USP8: variants seen among roughly 807,000 people sequenced by gnomAD.
USP8 encodes ubiquitin specific peptidase 8.
USP8 carries 27 observed loss-of-function variants against 130.0 expected under a neutral mutation model. That is an observed-to-expected ratio of 0.21 (90% CI 0.15 to 0.29). USP8 has a LOEUF of 0.29. Ranked by LOEUF, USP8 falls within the 10% of genes least tolerant of loss-of-function variation. The probability of loss-of-function intolerance (pLI) is 1.00; values close to 1 mark genes in which losing one functional copy is unlikely to be tolerated. For missense variants in USP8, 1,029 were observed against 1,312.2 expected (o/e 0.78, Z 3.33); for synonymous variants, 392 against 444.1 (o/e 0.88, Z 1.48).
chr15:50,497,576 G>T, intron 18 of USP8: 1 of 164,868 alleles, frequency 6.1e-6, no homozygotes, highest in Non-Finnish European at 1.3e-5. Flanking sequence ...AACAGACTTA[G>T]TTATGTGTTA....
Position 50,459,140 on chromosome 15 carries a change from A to G in USP8, c.476A>G (p.Asp159Gly). The G allele has an allele frequency of 6.2e-7, 1 of 1,608,916 alleles. No individual in the cohort carries two copies. The highest frequency in any genetic ancestry group is 1.7e-4 in the Middle Eastern group (1 of 6,034). The part of the protein sequence containing the change: ...LAKGSLENVL[D>G]SKDKTQKSNG... ...AAAGGCTCTTTGGAGAATGTTTTGGATTCCAAAGACAAAACCCAAAAGGTA... is the reference window on the plus strand; with the variant it reads ...AAAGGCTCTTTGGAGAATGTTTTGGGTTCCAAAGACAAAACCCAAAAGGTA... The change falls in exon 5 of 20, where the codon GAT becomes GGT. Residue 159 changes from aspartate to glycine, a missense_variant. By Grantham distance (94) the Asp-to-Gly change is moderately conservative. Coordinates refer to ENST00000307179, the MANE Select transcript of USP8 (RefSeq NM_005154.5).
chr15:50,441,217 C>A, intron 2 of USP8, 132 bp from the exon 3 acceptor site: 1 of 806,378 alleles, frequency 1.2e-6, no homozygotes, highest in Non-Finnish European at 1.8e-6. Context: ...CATAACAGGC[C>A]GTGAACCAGT....
At position 50,499,990 on chromosome 15, in the gene USP8, A is replaced by ACAT. The variant is rs2052551991; in HGVS notation, c.*904_*906dup. 6.6e-6 allele frequency: 1 copy of ACAT among 152,188 alleles called. No individual in the cohort carries two copies. The highest frequency in any genetic ancestry group is 1.5e-5 in the Non-Finnish European group (1 of 68,028). 9.4% of individuals were successfully genotyped at this position (152,188 alleles called of 1,614,324 possible). The stretch of plus-strand genomic sequence containing the variant: ...TGCAAAGTGAACTGCATTATAAACT[A>ACAT]CATCTTTACAGAGTGATGTATTAAG... On this transcript the variant is annotated 3_prime_UTR_variant, in exon 20 of 20. Coordinates refer to ENST00000307179, the MANE Select transcript of USP8 (RefSeq NM_005154.5).
rs1450154447 is a variant in USP8, at chr15:50,507,295, A to C, written c.*8207A>C. On this transcript the variant is annotated 3_prime_UTR_variant, in exon 20 of 20. Coordinates refer to ENST00000307179, the MANE Select transcript of USP8 (RefSeq NM_005154.5). ...GAGACTCTGTCTCTAAAACAAAACAACAACAACAACAAATCCAGTTCTATG... is the reference window on the plus strand; with the variant it reads ...GAGACTCTGTCTCTAAAACAAAACACCAACAACAACAAATCCAGTTCTATG... The C allele has an allele frequency of 6.6e-6, 1 of 152,320 alleles. No individual in the cohort carries two copies. Among genetic ancestry groups the C allele is most frequent in the Non-Finnish European group, 1.5e-5 (1 of 68,182 alleles). The allele number at this position is 152,320 out of a possible 1,614,324, so 9.4% of individuals were successfully genotyped here. A position where few individuals can be genotyped will look rare whatever the true frequency, so the allele number is the denominator to read the frequency against.
chr15:50,500,038 T>A lies in USP8; in HGVS notation c.*950T>A, dbSNP rs140912327. Reference sequence around the variant, plus strand: ...AAGAGGGTTAAAGGAGCTTATAATTTATTTAACCGAGGGACTCAGTTGCTA... The same window carrying A: ...AAGAGGGTTAAAGGAGCTTATAATTAATTTAACCGAGGGACTCAGTTGCTA... On this transcript the variant is annotated 3_prime_UTR_variant, in exon 20 of 20. Transcript: ENST00000307179. 5.8e-3 allele frequency: 885 copies of A among 152,250 alleles called. 8 individuals carry two copies. The highest frequency in any genetic ancestry group is 0.021 in the African/African-American group (853 of 41,516). The allele number at this position is 152,250 out of a possible 1,614,324, so 9.4% of individuals were successfully genotyped here.
intron 8 of USP8, among the ~76,000 whole-genome samples, chr15:50,473,486 A>C (rs2051450809): frequency 6.6e-6 from 1 of 152,016 alleles, no homozygotes; most frequent in East Asian, 1.9e-4. Flanking sequence ...TTTTAAATTT[A>C]TTTGTTTTAA....
chr15:50,438,254 TG>T (rs1567600500), intron 1 of USP8, among the ~76,000 whole-genome samples: 1 of 152,184 alleles, frequency 6.6e-6, no homozygotes, highest in African/African-American at 2.4e-5. Flanking sequence ...ATTTGTTTAA[TG>T]ATAGTGAACT....
Position 50,479,849 on chromosome 15 carries a change from C to G in USP8, c.1219-1632C>G, listed in dbSNP as rs1191894996. Among the ~76,000 whole-genome samples, 3 of 152,008 alleles carry G rather than the reference C, an allele frequency of 2.0e-5. No individual in the cohort carries two copies. The South Asian group carries it at 6.2e-4, about 31-fold the overall frequency. On this transcript the variant is annotated intron_variant, in intron 10 of 19. Coordinates refer to ENST00000307179, the MANE Select transcript of USP8 (RefSeq NM_005154.5). ...TCACAGCTCACTGCAGCCTCGACTT[C>G]CTGGGTTCAAGCAATCCTCCCACCT... is the stretch of plus-strand genomic sequence containing the variant.
At chr15:50,446,928 G>A (rs2050463167) in intron 3 of USP8, among the ~76,000 whole-genome samples, 1 of 152,142 alleles carries the variant, frequency 6.6e-6, no homozygotes. Flanking sequence ...ACCTGGCCTG[G>A]CCATCAACAG....
chr15:50,514,256 C>T lies in USP8; in HGVS notation c.*15168C>T, dbSNP rs1169649379. 3 of 152,132 alleles carry T rather than the reference C, an allele frequency of 2.0e-5. No homozygotes were observed. The highest frequency in any genetic ancestry group is 4.8e-5 in the African/African-American group (2 of 41,424). The allele number at this position is 152,132 out of a possible 1,614,324, so 9.4% of individuals were successfully genotyped here. On this transcript the variant is annotated 3_prime_UTR_variant, in exon 20 of 20. Transcript: ENST00000307179. ...CCAGAAGTCAGTGGTTTTCCAGACT[C>T]GAAGGCAGGTACAAGCACAGTTAGG...
At chr15:50,496,954 G>T (rs2052437667) in intron 17 of USP8, 135 bp from the exon 18 acceptor site, 1 of 1,137,868 alleles carries the variant, frequency 8.8e-7, no homozygotes, top group East Asian at 2.5e-5. Context: ...CACAAGCTTT[G>T]GGAAGGCAGG....
intron 3 of USP8, among the ~76,000 whole-genome samples, chr15:50,445,353 C>G (rs111246430): frequency 0.089 from 13,309 of 149,004 alleles, 1,287 homozygotes; most frequent in African/African-American, 0.25. Context: ...TGAGACCAGC[C>G]TGGCCAACAT....
intron 3 of USP8, among the ~76,000 whole-genome samples, chr15:50,444,796 A>T (rs934245798): frequency 6.6e-6 from 1 of 152,148 alleles, no homozygotes; most frequent in Non-Finnish European, 1.5e-5. Context: ...CACTTCCGTC[A>T]CCCAGGTTGG....
intron 1 of USP8, among the ~76,000 whole-genome samples, chr15:50,436,034 C>G (rs569331933): frequency 1.3e-5 from 2 of 152,096 alleles, no homozygotes; most frequent in Non-Finnish European, 2.9e-5. Flanking sequence ...TAATAGATAA[C>G]TAGTGTTTTC....
rs920820940 is a variant in USP8 at position 50,427,552 on chromosome 15, G to A, written c.-66+3038G>A. 8.3e-5 allele frequency among the ~76,000 whole-genome samples: 12 copies of A among 144,864 alleles called. No homozygotes were observed. In the South Asian group the frequency reaches 1.3e-3, roughly 16 times the overall value. On this transcript the variant is annotated intron_variant, in intron 1 of 19. Coordinates refer to ENST00000307179, the MANE Select transcript of USP8 (RefSeq NM_005154.5). ...TATTTGGAATTCTACATTTATAGCC[G>A]TACTAATTTTTTTTTTTTTTTTTTT...
chr15:50,485,657 G>A (rs1030129091), intron 12 of USP8, among the ~76,000 whole-genome samples: 1 of 129,216 alleles, frequency 7.7e-6, no homozygotes, highest in Non-Finnish European at 1.6e-5. Context: ...ATGACCCCAT[G>A]CCCAATTTAG....
rs1403240359 is a variant in USP8 at position 50,427,907 on chromosome 15, G to T, written c.-66+3393G>T. On this transcript the variant is annotated intron_variant, in intron 1 of 19. Transcript: ENST00000307179. The stretch of plus-strand genomic sequence containing the variant: ...AGGTCTTGCTCTGTCACCCAGGCTG[G>T]AGTGCAGTGGCATGACCTTGGCTCA... Among the ~76,000 whole-genome samples the T allele has an allele frequency of 1.3e-5, 2 of 151,696 alleles. 1 individual carries two copies. Among genetic ancestry groups the T allele is most frequent in the Admixed American group, 1.3e-4 (2 of 15,216 alleles).
chr15:50,458,918 A>G (rs2050882343), intron 4 of USP8, 82 bp from the exon 5 acceptor site: 3 of 1,541,410 alleles, frequency 1.9e-6, no homozygotes, highest in Non-Finnish European at 8.9e-7. Context: ...AAGGCAGGAT[A>G]CTAATTTTAC....
intron 16 of USP8, among the ~76,000 whole-genome samples, chr15:50,494,841 C>T (rs2052312621): frequency 6.6e-6 from 1 of 152,012 alleles, no homozygotes; most frequent in South Asian, 2.1e-4. Flanking sequence ...ATGGCAAAAC[C>T]TCGTCTCTAC....
Sources: allele counts gnomAD v4.1 joint callset (sites outside exome capture counted in the v4.1 genomes callset), GRCh38; gene constraint gnomAD v4.1.1; transcripts MANE v1.5; gene names NCBI Gene and HGNC (gene_info 2026-07-23, HGNC 2026-07-21).